The following KCNIP4 variants were observed in gnomAD, a reference collection of about 807,000 sequenced individuals.
KCNIP4 encodes potassium voltage-gated channel interacting protein 4.
In KCNIP4, 12 loss-of-function variants were observed where a neutral mutation model predicts 34.0. The ratio of observed to expected loss-of-function variants is 0.35; its 90% CI spans 0.23 to 0.57. The LOEUF (loss-of-function observed/expected upper bound fraction) is 0.57. KCNIP4 is among the 20% of genes least tolerant of loss of function. KCNIP4 has a pLI of 0.83. For missense variants in KCNIP4, 238 were observed against 311.7 expected (o/e 0.76, Z 1.78); for synonymous variants, 124 against 102.2 (o/e 1.21, Z -1.29).
intron 1 of KCNIP4, among the ~76,000 whole-genome samples, chr4:21,938,523 T>C (rs1241686336): frequency 1.3e-5 from 2 of 152,202 alleles, no homozygotes; most frequent in Non-Finnish European, 2.9e-5. Context: ...TGTTGTATTA[T>C]ACATGATTCT....
At chr4:21,872,455 G>A (rs532861398) in intron 1 of KCNIP4, among the ~76,000 whole-genome samples, 7 of 152,264 alleles carry the variant, frequency 4.6e-5, no homozygotes, top group East Asian at 1.9e-4. Context: ...AGCAGCAGGC[G>A]TTTTGACGAT....
At chr4:21,302,265 C>T (rs1440607560) in intron 1 of KCNIP4, among the ~76,000 whole-genome samples, 1 of 152,114 alleles carries the variant, frequency 6.6e-6, no homozygotes, top group Non-Finnish European at 1.5e-5. Flanking sequence ...CTGAAACAAG[C>T]AGAACCAATA....
chr4:20,856,750 C>T (rs1721621732), intron 2 of KCNIP4, among the ~76,000 whole-genome samples: 1 of 152,100 alleles, frequency 6.6e-6, no homozygotes, highest in African/African-American at 2.4e-5. Flanking sequence ...TTCAGAATCA[C>T]TATGTTCTCT....
At chr4:21,259,372 A>C (rs978664653) in intron 1 of KCNIP4, among the ~76,000 whole-genome samples, 2 of 152,180 alleles carry the variant, frequency 1.3e-5, no homozygotes, top group African/African-American at 2.4e-5. Context: ...ACATGGACAT[A>C]AATACATCTG....
At chr4:20,864,131 T>G (rs563743475) in intron 2 of KCNIP4, among the ~76,000 whole-genome samples, 1 of 126,086 alleles carries the variant, frequency 7.9e-6, no homozygotes, top group African/African-American at 2.6e-5. Context: ...TGTATACACA[T>G]GTATGTATAC....
At chr4:20,966,643 A>C in intron 1 of KCNIP4, among the ~76,000 whole-genome samples, 1 of 152,194 alleles carries the variant, frequency 6.6e-6, no homozygotes. Context: ...GGACTATCTC[A>C]TGTGTAACAG....
chr4:21,174,719 A>T (rs563070281), intron 1 of KCNIP4, among the ~76,000 whole-genome samples: 1 of 152,026 alleles, frequency 6.6e-6, no homozygotes, highest in Non-Finnish European at 1.5e-5. Context: ...AGCCTGGCCA[A>T]CATGGTGAAA....
At chr4:21,834,447 C>T (rs1365117400) in intron 1 of KCNIP4, among the ~76,000 whole-genome samples, 5 of 152,114 alleles carry the variant, frequency 3.3e-5, no homozygotes, top group African/African-American at 1.2e-4. Context: ...GATTTTGTAT[C>T]CTGAGACTTT....
At chr4:21,338,766 C>T (rs1716440144) in intron 1 of KCNIP4, among the ~76,000 whole-genome samples, 2 of 151,870 alleles carry the variant, frequency 1.3e-5, no homozygotes, top group Admixed American at 6.6e-5. Flanking sequence ...ACACGTTAAT[C>T]CTTCGTGGCC....
intron 1 of KCNIP4, among the ~76,000 whole-genome samples, chr4:21,247,678 T>G (rs1437739734): frequency 7.1e-6 from 1 of 139,896 alleles, no homozygotes; most frequent in Non-Finnish European, 1.5e-5. Flanking sequence ...TATCTATATA[T>G]AGATATATTT....
At chr4:21,521,869 G>T (rs1174596062) in intron 1 of KCNIP4, among the ~76,000 whole-genome samples, 1 of 151,882 alleles carries the variant, frequency 6.6e-6, no homozygotes, top group East Asian at 1.9e-4. Flanking sequence ...GAACAATGTG[G>T]AAAGCATGTG....
intron 1 of KCNIP4, among the ~76,000 whole-genome samples, chr4:21,788,286 GA>G (rs201214782): frequency 4.0e-5 from 6 of 149,204 alleles, no homozygotes; most frequent in South Asian, 2.1e-4. Context: ...AATGAAAAAT[GA>G]AAAAAAAAAT....
intron 1 of KCNIP4, among the ~76,000 whole-genome samples, chr4:21,234,586 C>T (rs946996336): frequency 4.5e-5 from 6 of 134,630 alleles, no homozygotes; most frequent in Non-Finnish European, 7.6e-5. Flanking sequence ...TTACATATAA[C>T]GTATATAATA....
At chr4:21,291,879 G>A (rs367834318) in intron 1 of KCNIP4, among the ~76,000 whole-genome samples, 7 of 14,114 alleles carry the variant, frequency 5.0e-4, no homozygotes, top group African/African-American at 9.0e-4. Context: ...AAGAAAGAAA[G>A]AAAGAAAGAA....
chr4:21,799,477 T>G (rs1720858220), intron 1 of KCNIP4, among the ~76,000 whole-genome samples: 1 of 152,232 alleles, frequency 6.6e-6, no homozygotes, highest in African/African-American at 2.4e-5. Flanking sequence ...TCAAAAGCTA[T>G]ATGATACCTG....
intron 1 of KCNIP4, among the ~76,000 whole-genome samples, chr4:21,283,115 C>T (rs554469019): frequency 3.3e-5 from 5 of 152,000 alleles, no homozygotes; most frequent in Admixed American, 2.0e-4. Flanking sequence ...TATATTTGTA[C>T]GAAGTATCCA....
chr4:21,705,789 T>C (rs187689969), intron 1 of KCNIP4, among the ~76,000 whole-genome samples: 31 of 152,312 alleles, frequency 2.0e-4, no homozygotes, highest in Non-Finnish European at 3.7e-4. Flanking sequence ...TAACTTTCTG[T>C]AGACCCTGGA....
chr4:21,088,124 C>T (rs535055778), intron 1 of KCNIP4, among the ~76,000 whole-genome samples: 9 of 151,618 alleles, frequency 5.9e-5, no homozygotes, highest in South Asian at 2.1e-4. Context: ...AATGTTGGCC[C>T]CCTTCAAGAC....
At chr4:21,699,033 T>A (rs928529703) in intron 1 of KCNIP4, among the ~76,000 whole-genome samples, 8 of 152,214 alleles carry the variant, frequency 5.3e-5, no homozygotes, top group African/African-American at 1.7e-4. Flanking sequence ...TACACAAAAA[T>A]CAGCAACGTG....
Sources: gnomAD v4.1 joint callset for allele counts (sites outside exome capture counted in the v4.1 genomes callset) on GRCh38, gnomAD v4.1.1 for gene constraint, MANE v1.5 for transcripts, NCBI Gene and HGNC (gene_info 2026-07-23, HGNC 2026-07-21) for gene names.